FKBP5: variants seen among roughly 807,000 people sequenced by gnomAD.
FKBP5 encodes the protein peptidyl-prolyl cis-trans isomerase FKBP5.
In FKBP5, 23 loss-of-function variants were observed where a neutral mutation model predicts 50.5. That is an observed-to-expected ratio of 0.46 (90% CI 0.33 to 0.65). The LOEUF (loss-of-function observed/expected upper bound fraction) is 0.65. Ranked by LOEUF, FKBP5 falls within the 30% of genes least tolerant of loss-of-function variation. The probability of loss-of-function intolerance (pLI) is 0.02; values close to 1 mark genes in which losing one functional copy is unlikely to be tolerated. For synonymous variants in FKBP5, 176 were observed against 190.6 expected (o/e 0.92, Z 0.63); for missense variants, 411 against 553.1 (o/e 0.74, Z 2.58).
rs371997643 is a variant in FKBP5, at chr6:35,585,798, C to A, written c.840+1236G>T. ...TATAACATATTGCAATACACTTCCA[C>A]AAAACTGATTTCATGACCCAATATT... On this transcript the variant is annotated intron_variant, in intron 8 of 10. Transcript: ENST00000357266. The A allele has an allele frequency of 1.3e-4, 124 of 985,338 alleles. 1 individual carries two copies. The South Asian group carries it at 5.1e-3, about 40-fold the overall frequency. 61.0% of individuals were successfully genotyped at this position (985,338 alleles called of 1,614,324 possible). A position where few individuals can be genotyped will look rare whatever the true frequency, so the allele number is the denominator to read the frequency against.
intron 2 of FKBP5, among the ~76,000 whole-genome samples, chr6:35,702,221 C>G (rs1766201895): frequency 6.6e-6 from 1 of 152,042 alleles, no homozygotes; most frequent in South Asian, 2.1e-4. Context: ...GGTCCAATAA[C>G]TCCTCACTAT....
chr6:35,699,631 G>C (rs2151018259), intron 2 of FKBP5, among the ~76,000 whole-genome samples: 1 of 152,276 alleles, frequency 6.6e-6, no homozygotes, highest in South Asian at 2.1e-4. Context: ...GTACGAATGA[G>C]GCTTCAATTT....
intron 2 of FKBP5, among the ~76,000 whole-genome samples, chr6:35,702,668 G>T (rs1766211651): frequency 6.6e-6 from 1 of 151,812 alleles, no homozygotes; most frequent in East Asian, 2.0e-4. Context: ...TAGCCAGGAT[G>T]GTCTCGATCT....
chr6:35,574,933 G>C lies in FKBP5; in HGVS notation c.*902C>G, dbSNP rs999078456. 3 of 152,304 alleles carry C rather than the reference G, an allele frequency of 2.0e-5. No individual in the cohort carries two copies. The highest frequency in any genetic ancestry group is 6.5e-5 in the Admixed American group (1 of 15,282). 9.4% of individuals were successfully genotyped at this position (152,304 alleles called of 1,614,324 possible). A position where few individuals can be genotyped will look rare whatever the true frequency, so the allele number is the denominator to read the frequency against. On this transcript the variant is annotated 3_prime_UTR_variant, in exon 11 of 11. Transcript: ENST00000357266. Reference sequence around the variant, plus strand: ...AATTCTTAATAGCAAGGATTAGAATGAAAGAAGAAGCTGAGCAGTAGCAAT... The same window carrying C: ...AATTCTTAATAGCAAGGATTAGAATCAAAGAAGAAGCTGAGCAGTAGCAAT...
chr6:35,699,659 G>T (rs531794396), intron 2 of FKBP5, among the ~76,000 whole-genome samples: 1 of 152,116 alleles, frequency 6.6e-6, no homozygotes, highest in Non-Finnish European at 1.5e-5. Flanking sequence ...TGCTGCTCTC[G>T]ATCTGAAGAT....
intron 6 of FKBP5, among the ~76,000 whole-genome samples, chr6:35,592,502 C>A (rs1320847768): frequency 6.6e-6 from 1 of 152,162 alleles, no homozygotes; most frequent in African/African-American, 2.4e-5. Context: ...AGAAGTGATG[C>A]CTAATTTTCT....
chr6:35,598,739 G>A (rs1381946728), intron 5 of FKBP5, among the ~76,000 whole-genome samples: 2 of 152,162 alleles, frequency 1.3e-5, no homozygotes, highest in Middle Eastern at 3.4e-3. Context: ...GGGAGGCCGA[G>A]GCGGGTGGAT....
chr6:35,595,647 A>G (rs947807416), intron 6 of FKBP5, among the ~76,000 whole-genome samples: 3 of 152,040 alleles, frequency 2.0e-5, no homozygotes, highest in African/African-American at 7.2e-5. Context: ...GCTACTCTAG[A>G]GACTGAAGTG....
At chr6:35,587,436 A>C (rs1206445420) in intron 7 of FKBP5, among the ~76,000 whole-genome samples, 1 of 152,242 alleles carries the variant, frequency 6.6e-6, no homozygotes, top group Non-Finnish European at 1.5e-5. Flanking sequence ...GAACCCACAC[A>C]AAGTTAAGGC....
intron 2 of FKBP5, among the ~76,000 whole-genome samples, chr6:35,714,309 G>A (rs1402951867): frequency 3.9e-5 from 5 of 127,304 alleles, no homozygotes; most frequent in South Asian, 2.6e-4. Context: ...AAAATTAGCC[G>A]GGCGTGGTGG....
intron 7 of FKBP5, 38 bp from the exon 8 acceptor site, chr6:35,587,155 G>A (rs1474936733): frequency 3.2e-6 from 5 of 1,584,506 alleles, no homozygotes; most frequent in Non-Finnish European, 4.3e-6. Flanking sequence ...GATGAACAGA[G>A]AGAAAAGCAT....
At chr6:35,671,515 G>A (rs1421308519) in intron 1 of FKBP5, among the ~76,000 whole-genome samples, 2 of 151,836 alleles carry the variant, frequency 1.3e-5, no homozygotes, top group Non-Finnish European at 2.9e-5. Context: ...ATAAAGGGAA[G>A]GAACAAGGTA....
chr6:35,690,036 G>T (rs906526440), upstream of FKBP5, among the ~76,000 whole-genome samples: 6 of 152,186 alleles, frequency 3.9e-5, no homozygotes, highest in African/African-American at 1.4e-4. Context: ...GGACCTAATA[G>T]TTACCTATGG....
At chr6:35,634,950 G>A (rs1764264760) in intron 3 of FKBP5, among the ~76,000 whole-genome samples, 2 of 151,584 alleles carry the variant, frequency 1.3e-5, no homozygotes, top group Non-Finnish European at 2.9e-5. Flanking sequence ...AGCACTTTGG[G>A]AGGCTGAGGC....
chr6:35,682,208 T>C (rs1328967509), intron 1 of FKBP5, among the ~76,000 whole-genome samples: 1 of 152,218 alleles, frequency 6.6e-6, no homozygotes, highest in East Asian at 1.9e-4. Flanking sequence ...TACAAGACTG[T>C]TTTTATTGTC....
intron 2 of FKBP5, among the ~76,000 whole-genome samples, chr6:35,714,620 C>A (rs962539323): frequency 6.7e-6 from 1 of 150,232 alleles, no homozygotes. Context: ...AGTTTGAGAC[C>A]AGCCTGGCCA....
rs116257608 is a variant in FKBP5 at position 35,610,844 on chromosome 6, C to T, written c.508+8252G>A. On this transcript the variant is annotated intron_variant, in intron 5 of 10. Coordinates refer to ENST00000357266, the MANE Select transcript of FKBP5 (RefSeq NM_004117.4). ...AAAATACTTGTGCCTGGAGTTCCAT[C>T]TTCTGAGATGTGAGATTCTTATTTA... 4.2e-3 allele frequency among the ~76,000 whole-genome samples: 637 copies of T among 152,192 alleles called. 4 individuals are homozygous for T. The highest frequency in any genetic ancestry group is 0.014 in the African/African-American group (586 of 41,530).
chr6:35,687,382 T>C (rs1765857435), intron 1 of FKBP5, among the ~76,000 whole-genome samples: 1 of 152,058 alleles, frequency 6.6e-6, no homozygotes, highest in Admixed American at 6.5e-5. Context: ...AGTATGACAA[T>C]AAAAATTTCC....
intron 1 of FKBP5, among the ~76,000 whole-genome samples, chr6:35,650,364 C>A (rs1764764646): frequency 6.7e-6 from 1 of 148,458 alleles, no homozygotes. Flanking sequence ...GTTAATGGTG[C>A]ATAGTGCCCA....
Sources: gnomAD v4.1 joint callset for allele counts (sites outside exome capture counted in the v4.1 genomes callset) on GRCh38, gnomAD v4.1.1 for gene constraint, MANE v1.5 for transcripts, NCBI Gene and HGNC (gene_info 2026-07-23, HGNC 2026-07-21) for gene names.